The following CNTN5 variants were observed in gnomAD, a reference collection of about 807,000 sequenced individuals.
CNTN5 encodes contactin-5.
In CNTN5, 77 loss-of-function variants were observed where a neutral mutation model predicts 129.1. That is an observed-to-expected ratio of 0.60 (90% confidence interval 0.50 to 0.72). The LOEUF is 0.72. Among genes scored for constraint, CNTN5 ranks in the 30% least tolerant of loss-of-function variants. The probability of loss-of-function intolerance (pLI) is 0.00; values close to 1 mark genes in which losing one functional copy is unlikely to be tolerated. For missense variants in CNTN5, 1,478 were observed against 1,328.8 expected (o/e 1.11, Z -1.75); for synonymous variants, 509 against 465.6 (o/e 1.09, Z -1.20).
At chr11:100,173,326 A>C (rs1371235358) in intron 13 of CNTN5, among the ~76,000 whole-genome samples, 1 of 152,076 alleles carries the variant, frequency 6.6e-6, no homozygotes, top group Non-Finnish European at 1.5e-5. Context: ...CCTACCTCCA[A>C]ATTCAAGGAA....
At chr11:100,244,377 A>G (rs1296841084) in intron 16 of CNTN5, among the ~76,000 whole-genome samples, 1 of 152,152 alleles carries the variant, frequency 6.6e-6, no homozygotes, top group Admixed American at 6.6e-5. Flanking sequence ...TATCTAACAA[A>G]CTTTTTGAGT....
At chr11:99,943,048 T>TATAA (rs1950476076) in intron 7 of CNTN5, among the ~76,000 whole-genome samples, 1 of 151,296 alleles carries the variant, frequency 6.6e-6, no homozygotes, top group Admixed American at 6.6e-5. Context: ...GATTTATAAA[T>TATAA]CCAGTAATGG....
At chr11:99,900,511 G>A (rs1026780901) in intron 6 of CNTN5, among the ~76,000 whole-genome samples, 3 of 151,590 alleles carry the variant, frequency 2.0e-5, no homozygotes, top group Admixed American at 6.6e-5. Flanking sequence ...GTATCCCAGA[G>A]GTTTTTGTAT....
At chr11:100,132,564 C>G (rs1000114000) in intron 13 of CNTN5, among the ~76,000 whole-genome samples, 1 of 152,066 alleles carries the variant, frequency 6.6e-6, no homozygotes, top group Non-Finnish European at 1.5e-5. Flanking sequence ...ATGGAGATAT[C>G]ATGGATTGGT....
In CNTN5 at chr11:99,898,940, G is replaced by A. The variant is rs111264138; in HGVS notation, c.578-17114G>A. 7.6e-3 allele frequency among the ~76,000 whole-genome samples: 1,152 copies of A among 152,004 alleles called. 15 individuals are homozygous for A. The highest frequency in any genetic ancestry group is 0.026 in the African/African-American group (1,096 of 41,506). On this transcript the variant is annotated intron_variant, in intron 6 of 24. Coordinates refer to ENST00000524871, the MANE Select transcript of CNTN5 (RefSeq NM_014361.4). ...CTTCTTTAGTGGAAATGCCTCTAATGTTTCTCTATTAAGTATAATATTTGT... is the reference window on the plus strand; with the variant it reads ...CTTCTTTAGTGGAAATGCCTCTAATATTTCTCTATTAAGTATAATATTTGT...
intron 1 of CNTN5, among the ~76,000 whole-genome samples, chr11:99,196,923 A>G (rs758329019): frequency 7.2e-5 from 11 of 151,940 alleles, no homozygotes; most frequent in Non-Finnish European, 1.3e-4. Flanking sequence ...AGTCAGGAAA[A>G]GAGAAAATAA....
chr11:99,669,462 GTGTGTGTGTGTATA>G lies in CNTN5; in HGVS notation c.55+113199_55+113212del, dbSNP rs773435783. ...ATATGGTGTGTGTGTGTGTGTGTGT[GTGTGTGTGTGTATA>G]TGTGTATACATATATACACATATAT... On this transcript the variant is annotated intron_variant, in intron 3 of 24. Transcript: ENST00000524871. 8.5e-4 allele frequency among the ~76,000 whole-genome samples: 69 copies of G among 81,516 alleles called. 1 individual carries two copies. Among genetic ancestry groups the G allele is most frequent in the South Asian group, 2.3e-3 (7 of 2,996 alleles). The allele number at this position is 81,516 out of a possible 152,430, so 53.5% of individuals were successfully genotyped here.
chr11:100,257,074 G>C (rs1950087128), intron 17 of CNTN5, among the ~76,000 whole-genome samples: 1 of 152,144 alleles, frequency 6.6e-6, no homozygotes, highest in South Asian at 2.1e-4. Context: ...GTCTGAAGTT[G>C]ACCTGGGATG....
At chr11:99,776,749 G>C (rs541119403) in intron 3 of CNTN5, among the ~76,000 whole-genome samples, 7 of 150,474 alleles carry the variant, frequency 4.7e-5, no homozygotes, top group East Asian at 4.0e-4. Flanking sequence ...TTTATTACTG[G>C]GTATGAAGGA....
intron 1 of CNTN5, among the ~76,000 whole-genome samples, chr11:99,053,259 T>C (rs1336093332): frequency 2.6e-5 from 4 of 151,952 alleles, no homozygotes; most frequent in Non-Finnish European, 5.9e-5. Context: ...TACTCCTAAA[T>C]TCTCCAGTGA....
chr11:99,885,825 T>A (rs902363381), intron 6 of CNTN5, among the ~76,000 whole-genome samples: 11 of 152,224 alleles, frequency 7.2e-5, no homozygotes, highest in Non-Finnish European at 1.5e-4. Flanking sequence ...CATGAATACA[T>A]TTGGCAATGA....
chr11:99,091,999 G>A (rs1323856399), intron 1 of CNTN5, among the ~76,000 whole-genome samples: 1 of 152,068 alleles, frequency 6.6e-6, no homozygotes, highest in Non-Finnish European at 1.5e-5. Context: ...GATTAATAAA[G>A]TATGATATCC....
At chr11:100,214,751 C>A (rs551031515) in intron 15 of CNTN5, among the ~76,000 whole-genome samples, 7 of 152,168 alleles carry the variant, frequency 4.6e-5, no homozygotes, top group Non-Finnish European at 1.0e-4. Flanking sequence ...ACAGCAGTAC[C>A]CCACTTGTAG....
At chr11:99,113,509 A>G (rs763725424) in intron 1 of CNTN5, among the ~76,000 whole-genome samples, 1 of 152,078 alleles carries the variant, frequency 6.6e-6, no homozygotes, top group African/African-American at 2.4e-5. Flanking sequence ...CTAAGACTCA[A>G]TCCTGATAGG....
At chr11:99,932,064 C>G (rs1260122201) in intron 7 of CNTN5, among the ~76,000 whole-genome samples, 1 of 152,172 alleles carries the variant, frequency 6.6e-6, no homozygotes, top group Non-Finnish European at 1.5e-5. Context: ...TATGAAGCAC[C>G]TAAGCTTCTG....
At chr11:99,520,107 A>G (rs1379113763) in intron 2 of CNTN5, among the ~76,000 whole-genome samples, 2 of 152,118 alleles carry the variant, frequency 1.3e-5, no homozygotes, top group Non-Finnish European at 2.9e-5. Flanking sequence ...TGAGAATTCA[A>G]TACAACCAGA....
chr11:99,342,285 C>T (rs2136058310), intron 2 of CNTN5, among the ~76,000 whole-genome samples: 1 of 151,932 alleles, frequency 6.6e-6, no homozygotes, highest in Middle Eastern at 3.4e-3. Flanking sequence ...GATTCAGAGA[C>T]AACTGTGTGA....
intron 8 of CNTN5, among the ~76,000 whole-genome samples, chr11:99,981,512 A>G (rs1224365950): frequency 4.6e-5 from 7 of 152,174 alleles, no homozygotes; most frequent in Non-Finnish European, 1.0e-4. Context: ...GTCCACTCAG[A>G]TTCACATGCT....
At chr11:99,384,934 A>C (rs1940831174) in intron 2 of CNTN5, among the ~76,000 whole-genome samples, 1 of 152,138 alleles carries the variant, frequency 6.6e-6, no homozygotes, top group Non-Finnish European at 1.5e-5. Context: ...AATTATTATT[A>C]ATATGTTTGC....
Sources: gnomAD v4.1 joint callset for allele counts (sites outside exome capture counted in the v4.1 genomes callset) on GRCh38, gnomAD v4.1.1 for gene constraint, MANE v1.5 for transcripts, NCBI Gene and HGNC (gene_info 2026-07-23, HGNC 2026-07-21) for gene names.